The following LRBA variants were observed in gnomAD, a reference collection of about 807,000 sequenced individuals.
The protein encoded by LRBA is LPS responsive beige-like anchor protein.
Under a neutral mutation model 330.0 loss-of-function variants are expected in LRBA, and 176 were observed. The ratio of observed to expected loss-of-function variants is 0.53; its 90% CI spans 0.47 to 0.60. LRBA has a LOEUF of 0.60. Among genes scored for constraint, LRBA ranks in the 20% least tolerant of loss-of-function variants. The probability of loss-of-function intolerance (pLI) is 0.00; values close to 1 mark genes in which losing one functional copy is unlikely to be tolerated. For missense variants in LRBA, 3,259 were observed against 3,444.8 expected, an observed-to-expected ratio of 0.95 and a Z score of 1.35; for synonymous variants, 1,230 against 1,193.0, an observed-to-expected ratio of 1.03 and a Z score of -0.64.
At chr4:150,378,852 G>GA (rs977628552) in intron 47 of LRBA, among the ~76,000 whole-genome samples, 1 of 151,408 alleles carries the variant, frequency 6.6e-6, no homozygotes, top group Non-Finnish European at 1.5e-5. Context: ...TCAGGGAACA[G>GA]AAAAAAAATG....
intron 44 of LRBA, among the ~76,000 whole-genome samples, chr4:150,444,607 A>C (rs1434358688): frequency 6.6e-6 from 1 of 152,198 alleles, no homozygotes; most frequent in African/African-American, 2.4e-5. Context: ...TAATACTGTC[A>C]AGAAAAAAAT....
chr4:150,810,838 G>A (rs748406749), intron 31 of LRBA, among the ~76,000 whole-genome samples: 62 of 152,190 alleles, frequency 4.1e-4, no homozygotes, highest in Non-Finnish European at 7.5e-4. Flanking sequence ...TTGGTCTCAA[G>A]CAATCCTTTG....
chr4:150,901,144 C>A (rs1730678349), intron 13 of LRBA, among the ~76,000 whole-genome samples: 1 of 151,824 alleles, frequency 6.6e-6, no homozygotes, highest in Non-Finnish European at 1.5e-5. Flanking sequence ...CCAAAAAATA[C>A]AAAAATTAGC....
intron 44 of LRBA, among the ~76,000 whole-genome samples, chr4:150,438,135 A>G (rs1165486611): frequency 6.6e-6 from 1 of 152,200 alleles, no homozygotes; most frequent in African/African-American, 2.4e-5. Context: ...CGTATTCAAA[A>G]TGTTAAGTAC....
At chr4:150,843,447 T>C (rs980609542) in intron 28 of LRBA, among the ~76,000 whole-genome samples, 46 of 152,208 alleles carry the variant, frequency 3.0e-4, no homozygotes, top group Non-Finnish European at 1.9e-4. Context: ...ATCTTTATAC[T>C]TTCTATATGA....
chr4:150,574,795 A>G (rs1008005814), intron 40 of LRBA, among the ~76,000 whole-genome samples: 5 of 152,040 alleles, frequency 3.3e-5, no homozygotes, highest in African/African-American at 1.2e-4. Flanking sequence ...GGCCCAATTA[A>G]GTATGGTTGG....
At chr4:150,967,772 T>C (rs952761433) in intron 2 of LRBA, among the ~76,000 whole-genome samples, 8 of 152,148 alleles carry the variant, frequency 5.3e-5, no homozygotes, top group African/African-American at 1.2e-4. Context: ...GAATCAGTGA[T>C]CTTTGATGTT....
In LRBA at chr4:150,916,756, T is replaced by G. The variant is rs1050009297; in HGVS notation, c.646-18A>C. Reference sequence around the variant, plus strand: ...GCAATAGCCTAAAGGAAAGAAACTTTGAGTTATTAACTCACGTGAAAACCT... The same window carrying G: ...GCAATAGCCTAAAGGAAAGAAACTTGGAGTTATTAACTCACGTGAAAACCT... On this transcript the variant is annotated intron_variant, in intron 5 of 56. Coordinates refer to ENST00000651943, the MANE Select transcript of LRBA (RefSeq NM_001364905.1). 2.0e-6 allele frequency: 3 copies of G among 1,520,476 alleles called. No homozygotes were observed. Among genetic ancestry groups the G allele is most frequent in the African/African-American group, 1.4e-5 (1 of 71,442 alleles). The allele number at this position is 1,520,476 out of a possible 1,614,324, so 94.2% of individuals were successfully genotyped here. A position where few individuals can be genotyped will look rare whatever the true frequency, so the allele number is the denominator to read the frequency against.
At chr4:150,998,561 C>T (rs916589185) in intron 2 of LRBA, among the ~76,000 whole-genome samples, 1 of 151,866 alleles carries the variant, frequency 6.6e-6, no homozygotes, top group Non-Finnish European at 1.5e-5. Context: ...CACTATGTTG[C>T]CCTGGGTGGT....
At chr4:150,290,109 A>T (rs1728059227) in intron 53 of LRBA, among the ~76,000 whole-genome samples, 1 of 152,210 alleles carries the variant, frequency 6.6e-6, no homozygotes, top group Admixed American at 6.5e-5. Context: ...GAAAGCCTAG[A>T]AACAAAATCT....
chr4:150,335,580 G>A (rs892251040), intron 48 of LRBA, among the ~76,000 whole-genome samples: 32 of 150,230 alleles, frequency 2.1e-4, no homozygotes, highest in Non-Finnish European at 3.7e-4. Flanking sequence ...AAAGCACTTA[G>A]AACAGTTCAT....
At chr4:150,357,560 A>G (rs1315927689) in intron 47 of LRBA, among the ~76,000 whole-genome samples, 1 of 151,972 alleles carries the variant, frequency 6.6e-6, no homozygotes, top group Non-Finnish European at 1.5e-5. Flanking sequence ...TAACATTTCA[A>G]CCTTAGGTCA....
intron 34 of LRBA, among the ~76,000 whole-genome samples, chr4:150,780,312 C>T (rs1313893681): frequency 6.6e-6 from 1 of 152,070 alleles, no homozygotes; most frequent in African/African-American, 2.4e-5. Context: ...AATAAGGTAT[C>T]TTATGTTTAT....
At chr4:150,967,761 G>A (rs1027520077) in intron 2 of LRBA, among the ~76,000 whole-genome samples, 4 of 152,036 alleles carry the variant, frequency 2.6e-5, no homozygotes, top group Non-Finnish European at 5.9e-5. Flanking sequence ...ATGATGATCT[G>A]GAATCAGTGA....
At chr4:150,299,993 G>A (rs1194239772) in intron 53 of LRBA, among the ~76,000 whole-genome samples, 1 of 144,898 alleles carries the variant, frequency 6.9e-6, no homozygotes, top group Non-Finnish European at 1.5e-5. Context: ...CAGCTGCATT[G>A]TGGAACCATC....
intron 2 of LRBA, among the ~76,000 whole-genome samples, chr4:150,955,271 A>G (rs1164784810): frequency 6.7e-6 from 1 of 149,006 alleles, no homozygotes; most frequent in African/African-American, 2.6e-5. Context: ...ACACTATCTC[A>G]TAAAAGAAAA....
chr4:150,968,507 A>G (rs529211530), intron 2 of LRBA, among the ~76,000 whole-genome samples: 2 of 152,362 alleles, frequency 1.3e-5, no homozygotes, highest in African/African-American at 4.8e-5. Context: ...GATAGATCAA[A>G]TCAGTCACAA....
chr4:150,320,361 A>G lies in LRBA; in HGVS notation c.7630+830T>C, dbSNP rs532157095. Among the ~76,000 whole-genome samples the G allele has an allele frequency of 4.6e-4, 70 of 152,300 alleles. 1 individual carries two copies. Among genetic ancestry groups the G allele is most frequent in the African/African-American group, 1.6e-3 (68 of 41,566 alleles). Reference sequence around the variant, plus strand: ...TGAGCATGACTGTGTTGAGCATTTAATGGAAGAACAGAAGGTACTTACAGA... The same window carrying G: ...TGAGCATGACTGTGTTGAGCATTTAGTGGAAGAACAGAAGGTACTTACAGA... On this transcript the variant is annotated intron_variant, in intron 50 of 56. Transcript: ENST00000651943.
At chr4:150,652,153 C>A (rs1779768624) in intron 37 of LRBA, among the ~76,000 whole-genome samples, 1 of 152,010 alleles carries the variant, frequency 6.6e-6, no homozygotes, top group Non-Finnish European at 1.5e-5. Flanking sequence ...CATTTTCACA[C>A]CTATACAAGT....
Sources: gnomAD v4.1 joint callset for allele counts (sites outside exome capture counted in the v4.1 genomes callset) on GRCh38, gnomAD v4.1.1 for gene constraint, MANE v1.5 for transcripts, NCBI Gene and HGNC (gene_info 2026-07-23, HGNC 2026-07-21) for gene names.